KIT: variants seen among roughly 807,000 people sequenced by gnomAD.
KIT encodes the protein KIT proto-oncogene, receptor tyrosine kinase, also known as mast/stem cell growth factor receptor Kit.
KIT carries 16 observed loss-of-function variants against 105.7 expected under a neutral mutation model. That is an observed-to-expected ratio of 0.15 (90% confidence interval 0.10 to 0.23). The LOEUF is 0.23. Ranked by LOEUF, KIT falls within the 10% of genes least tolerant of loss-of-function variation. The pLI is 1.00. For missense variants in KIT, 858 were observed against 1,213.8 expected, an observed-to-expected ratio of 0.71 and a Z score of 4.36; for synonymous variants, 438 against 441.1, an observed-to-expected ratio of 0.99 and a Z score of 0.09.
chr4:54,739,092 TGATCCCCAA>T lies in KIT; in HGVS notation c.*537_*545del, dbSNP rs1393710445. 2.5e-6 allele frequency: 1 copy of T among 399,910 alleles called. No individual in the cohort carries two copies. The highest frequency in any genetic ancestry group is 2.1e-5 in the African/African-American group (1 of 48,518). The allele number at this position is 399,910 out of a possible 1,614,324, so 24.8% of individuals were successfully genotyped here. A position where few individuals can be genotyped will look rare whatever the true frequency, so the allele number is the denominator to read the frequency against. ...AATGAGACATAGGCCATGAAAAAAA[TGATCCCCAA>T]GTGTGAACAAAAGATGCTCTTCTGT... On this transcript the variant is annotated 3_prime_UTR_variant, in exon 21 of 21. Coordinates refer to ENST00000288135, the MANE Select transcript of KIT (RefSeq NM_000222.3).
rs1437436757 is a variant in KIT at position 54,731,856 on chromosome 4, C to T, written c.2234-15C>T. 6.2e-7 allele frequency: 1 copy of T among 1,612,918 alleles called. No individual in the cohort carries two copies. Among genetic ancestry groups the T allele is most frequent in the Non-Finnish European group, 8.5e-7 (1 of 1,179,160 alleles). On this transcript the variant is annotated splice_polypyrimidine_tract_variant and intron_variant, in intron 15 of 20. Coordinates refer to ENST00000288135, the MANE Select transcript of KIT (RefSeq NM_000222.3). ...ATGGTTGTAATTGCTAAGAAAAATC[C>T]TCTCTTCCTCACAGGCTCATACATA...
chr4:54,674,866 T>C (rs1718353596), intron 1 of KIT, among the ~76,000 whole-genome samples: 1 of 152,188 alleles, frequency 6.6e-6, no homozygotes, highest in South Asian at 2.1e-4. Context: ...GCTTTTGTCA[T>C]TATTTGTTTG....
chr4:54,720,733 C>CAT (rs1721818457), intron 7 of KIT, among the ~76,000 whole-genome samples: 1 of 152,128 alleles, frequency 6.6e-6, no homozygotes. Flanking sequence ...GTGTTATGAG[C>CAT]ATTAGGAAGT....
At position 54,731,292 on chromosome 4, in the gene KIT, A is replaced by G. The variant is rs17084713; in HGVS notation, c.2142-36A>G. ...CCATGAGTGCCCTTCTACATGTCCC[A>G]CTTGATTCAGTCATGACTTGTTTCA... On this transcript the variant is annotated intron_variant, in intron 14 of 20. Coordinates refer to ENST00000288135, the MANE Select transcript of KIT (RefSeq NM_000222.3). The G allele has an allele frequency of 4.7e-3, 6,849 of 1,460,574 alleles. 250 individuals carry two copies. In the African/African-American group the frequency reaches 0.08, roughly 17 times the overall value. 90.5% of individuals were successfully genotyped at this position (1,460,574 alleles called of 1,614,324 possible).
chr4:54,700,051 G>A (rs1461178308), intron 4 of KIT, among the ~76,000 whole-genome samples: 1 of 152,144 alleles, frequency 6.6e-6, no homozygotes, highest in Non-Finnish European at 1.5e-5. Flanking sequence ...TTGAAAAACT[G>A]TTAGGGACTT....
rs542391258 is a variant in KIT at position 54,735,850 on chromosome 4, C to T, written c.2485-648C>T. On this transcript the variant is annotated intron_variant, in intron 17 of 20. Coordinates refer to ENST00000288135, the MANE Select transcript of KIT (RefSeq NM_000222.3). ...TGGTATAAAGGTTCCATGGAGTACC[C>T]GGGCAAGTCTTTCCTTTCCATGCTT... Among the ~76,000 whole-genome samples the T allele has an allele frequency of 6.6e-5, 10 of 152,106 alleles. No homozygotes were observed. The South Asian group carries it at 8.3e-4, about 13-fold the overall frequency.
chr4:54,714,444 C>G (rs1288064073), intron 7 of KIT, among the ~76,000 whole-genome samples: 1 of 151,564 alleles, frequency 6.6e-6, no homozygotes, highest in Non-Finnish European at 1.5e-5. Flanking sequence ...GGCTTTTTTC[C>G]CCACTCCATC....
intron 1 of KIT, among the ~76,000 whole-genome samples, chr4:54,691,893 C>T (rs567409426): frequency 1.3e-5 from 2 of 152,060 alleles, no homozygotes; most frequent in African/African-American, 4.8e-5. Flanking sequence ...GGATGTGCTG[C>T]CCGAGAGGGG....
intron 4 of KIT, among the ~76,000 whole-genome samples, chr4:54,701,196 G>A (rs150544154): frequency 2.0e-5 from 3 of 152,188 alleles, no homozygotes; most frequent in Non-Finnish European, 2.9e-5. Flanking sequence ...TCAGTGTTAG[G>A]AGCTCTTTGG....
rs1722592297 is a variant in KIT, at chr4:54,731,438, A to T, written c.2233+19A>T. The stretch of plus-strand genomic sequence containing the variant: ...AGAATAGGTGAGTACCTACCTATCA[A>T]GCAACCAAGAGTAACTTTACAGAGA... On this transcript the variant is annotated intron_variant, in intron 15 of 20. Coordinates refer to ENST00000288135, the MANE Select transcript of KIT (RefSeq NM_000222.3). 2.0e-6 allele frequency: 3 copies of T among 1,471,682 alleles called. No homozygotes were observed. Among genetic ancestry groups the T allele is most frequent in the Non-Finnish European group, 2.9e-6 (3 of 1,050,282 alleles). The allele number at this position is 1,471,682 out of a possible 1,614,324, so 91.2% of individuals were successfully genotyped here. A position where few individuals can be genotyped will look rare whatever the true frequency, so the allele number is the denominator to read the frequency against.
chr4:54,666,315 C>T (rs1472672195), intron 1 of KIT, among the ~76,000 whole-genome samples: 1 of 152,098 alleles, frequency 6.6e-6, no homozygotes, highest in Non-Finnish European at 1.5e-5. Flanking sequence ...GAGTCTCACT[C>T]TGTCGCCAGG....
intron 7 of KIT, among the ~76,000 whole-genome samples, chr4:54,719,188 C>T (rs1036172713): frequency 1.3e-5 from 2 of 152,052 alleles, no homozygotes; most frequent in African/African-American, 4.8e-5. Context: ...GCATTTATAG[C>T]GGAAGTTGGT....
chr4:54,668,639 G>A (rs959189393), intron 1 of KIT, among the ~76,000 whole-genome samples: 1 of 152,208 alleles, frequency 6.6e-6, no homozygotes, highest in African/African-American at 2.4e-5. Context: ...TGGAAAAGAA[G>A]TATTTCTAGA....
intron 4 of KIT, among the ~76,000 whole-genome samples, chr4:54,702,179 G>C (rs900542970): frequency 7.9e-5 from 12 of 151,878 alleles, no homozygotes; most frequent in African/African-American, 2.9e-4. Flanking sequence ...TTAAAAAATA[G>C]GTATAATTCC....
intron 9 of KIT, among the ~76,000 whole-genome samples, 167 bp downstream of exon 9, chr4:54,726,217 G>A (rs139255030): frequency 2.6e-5 from 4 of 152,100 alleles, no homozygotes; most frequent in African/African-American, 9.7e-5. Flanking sequence ...AGCTTGTTAA[G>A]TATATGCTTT....
intron 1 of KIT, among the ~76,000 whole-genome samples, chr4:54,672,878 G>A (rs1718210350): frequency 6.6e-6 from 1 of 152,164 alleles, no homozygotes. Flanking sequence ...GTCCACAACG[G>A]CGAGTGTGTA....
chr4:54,731,305 A>G (rs1358997030), intron 14 of KIT, 23 bp from the exon 15 acceptor site: 5 of 1,554,986 alleles, frequency 3.2e-6, no homozygotes, highest in South Asian at 1.1e-5. Context: ...TGATTCAGTC[A>G]TGACTTGTTT....
intron 1 of KIT, among the ~76,000 whole-genome samples, chr4:54,663,012 A>G (rs1462628326): frequency 1.4e-5 from 2 of 139,112 alleles, no homozygotes; most frequent in African/African-American, 2.8e-5. Flanking sequence ...AAAACTACAC[A>G]TCTTGTAAGA....
intron 1 of KIT, among the ~76,000 whole-genome samples, chr4:54,667,523 A>G (rs1301389638): frequency 6.6e-6 from 1 of 152,204 alleles, no homozygotes; most frequent in East Asian, 1.9e-4. Flanking sequence ...GCCAATTGAA[A>G]GGAAGATAGG....
Sources: gnomAD v4.1 joint callset for allele counts (sites outside exome capture counted in the v4.1 genomes callset) on GRCh38, gnomAD v4.1.1 for gene constraint, MANE v1.5 for transcripts, NCBI Gene and HGNC (gene_info 2026-07-23, HGNC 2026-07-21) for gene names.